Variants in KDM4B observed in about 807,000 individuals in gnomAD.
The protein encoded by KDM4B is lysine demethylase 4B, also known as lysine-specific demethylase 4B.
A neutral mutation model predicts 125.2 loss-of-function variants in KDM4B; 32 were observed. The ratio of observed to expected loss-of-function variants is 0.26; its 90% confidence interval spans 0.19 to 0.34. The LOEUF is 0.34. Ranked by LOEUF, KDM4B falls within the 10% of genes least tolerant of loss-of-function variation. The pLI is 1.00. For missense variants in KDM4B, 1,190 were observed against 1,577.7 expected, an observed-to-expected ratio of 0.75 and a Z score of 4.16; for synonymous variants, 721 against 677.9, an observed-to-expected ratio of 1.06 and a Z score of -0.99.
intron 1 of KDM4B, among the ~76,000 whole-genome samples, chr19:4,978,454 C>T (rs1409826716): frequency 8.0e-6 from 1 of 125,082 alleles, no homozygotes; most frequent in Non-Finnish European, 1.6e-5. Flanking sequence ...TTGCAGTGAG[C>T]TGAGATCACG....
chr19:5,146,414 G>A lies in KDM4B; in HGVS notation c.3021+1512G>A, dbSNP rs546360992. Among the ~76,000 whole-genome samples the A allele has an allele frequency of 3.3e-5, 5 of 152,384 alleles. No individual in the cohort carries two copies. In the South Asian group the frequency reaches 1.0e-3, roughly 32 times the overall value. ...GGTTTCGGGGACAAGCCATCCCCAT[G>A]GCCAGCCCTGTGGGAGCTACCACCA... On this transcript the variant is annotated intron_variant, in intron 21 of 22. Transcript: ENST00000159111.
Position 4,997,900 on chromosome 19 carries a change from C to G in KDM4B, c.-108-18357C>G, listed in dbSNP as rs765788349. 8.5e-5 allele frequency among the ~76,000 whole-genome samples: 13 copies of G among 152,270 alleles called. No homozygotes were observed. The highest frequency in any genetic ancestry group is 5.9e-4 in the Admixed American group (9 of 15,294). On this transcript the variant is annotated intron_variant, in intron 1 of 22. Coordinates refer to ENST00000159111, the MANE Select transcript of KDM4B (RefSeq NM_015015.3). The surrounding 1 kb of genome is among the most constrained non-coding windows in gnomAD (Gnocchi z 4.2). ...CGTGCCACTCTGCACTGCTGTCCCTCTCCACCCAGGCCTTGGGGCTCCCAG... is the reference window on the plus strand; with the variant it reads ...CGTGCCACTCTGCACTGCTGTCCCTGTCCACCCAGGCCTTGGGGCTCCCAG...
rs1049860149 is a variant in KDM4B at position 5,142,405 on chromosome 19, A to G, written c.2551-1562A>G. ...CGCCTTAGTAGGGGTGGCTCTGGGC[A>G]ACCTCGGCCCCAGGCACAGCTCCTG... is the stretch of plus-strand genomic sequence containing the variant. On this transcript the variant is annotated intron_variant, in intron 18 of 22. Transcript: ENST00000159111. The surrounding 1 kb of genome is among the most constrained non-coding windows in gnomAD (Gnocchi z 5.4). Among the ~76,000 whole-genome samples, 3 of 152,194 alleles carry G rather than the reference A, an allele frequency of 2.0e-5. No homozygotes were observed. Among genetic ancestry groups the G allele is most frequent in the South Asian group, 4.1e-4 (2 of 4,834 alleles).
intron 9 of KDM4B, among the ~76,000 whole-genome samples, chr19:5,085,429 G>A (rs895257626): frequency 6.6e-6 from 1 of 152,202 alleles, no homozygotes; most frequent in Admixed American, 6.5e-5. Context: ...CCCAGGCCTC[G>A]GGCTTGTCCT....
At position 5,035,895 on chromosome 19, in the gene KDM4B, G is replaced by GCA. The variant is rs1308153451; in HGVS notation, c.141+2865_141+2866insAC. On this transcript the variant is annotated intron_variant, in intron 3 of 22. Transcript: ENST00000159111. The surrounding 1 kb of genome is among the most constrained non-coding windows in gnomAD (Gnocchi z 5.3). ...TGTGTGTGTGTGCGCGCGCGCGCGC[G>GCA]CCTGCGCGCACAGGAGACTGAGGTG... Among the ~76,000 whole-genome samples, 1 of 125,054 alleles carries GCA rather than the reference G, an allele frequency of 8.0e-6. No individual in the cohort carries two copies. Among genetic ancestry groups the GCA allele is most frequent in the Non-Finnish European group, 1.8e-5 (1 of 54,876 alleles). The allele number at this position is 125,054 out of a possible 152,430, so 82.0% of individuals were successfully genotyped here.
intron 5 of KDM4B, among the ~76,000 whole-genome samples, chr19:5,041,946 T>C (rs561746515): frequency 1.3e-5 from 2 of 152,282 alleles, no homozygotes; most frequent in Admixed American, 6.5e-5. Flanking sequence ...CTGGGTTTGC[T>C]CTCTGAGCCG....
At chr19:5,077,766 G>C (rs1568280483) in intron 8 of KDM4B, 1 of 384,870 alleles carries the variant, frequency 2.6e-6, no homozygotes, top group Non-Finnish European at 4.7e-6. Context: ...TGCAGGGGTG[G>C]AAGGGCAGGG....
intron 8 of KDM4B, among the ~76,000 whole-genome samples, chr19:5,080,349 T>A (rs541830203): frequency 1.3e-5 from 2 of 152,276 alleles, no homozygotes; most frequent in East Asian, 3.9e-4. Flanking sequence ...TATATAATGA[T>A]CAGCAGGCCT....
intron 6 of KDM4B, among the ~76,000 whole-genome samples, chr19:5,065,806 G>T (rs1306630647): frequency 1.3e-5 from 2 of 152,222 alleles, no homozygotes; most frequent in Non-Finnish European, 2.9e-5. Context: ...TGGGGCCCAT[G>T]GCAAAGGTTC....
intron 8 of KDM4B, 36 bp downstream of exon 8, chr19:5,077,506 A>G (rs1199184582): frequency 1.3e-6 from 2 of 1,575,682 alleles, no homozygotes; most frequent in South Asian, 2.2e-5. Context: ...CTGTGGGTGA[A>G]GTGGGTACCG....
rs1330290544 is a variant in KDM4B, at chr19:5,086,107, A to G, written c.918+3603A>G. On this transcript the variant is annotated intron_variant, in intron 9 of 22. Transcript: ENST00000159111. The stretch of plus-strand genomic sequence containing the variant: ...GAGCACATTCTTCAGAAGAGAGCCA[A>G]AGAGGAGGCTTTCCACCCCCTCGAT... 2.0e-5 allele frequency among the ~76,000 whole-genome samples: 3 copies of G among 152,124 alleles called. No homozygotes were observed. The East Asian group carries it at 5.8e-4, about 29-fold the overall frequency.
At chr19:5,117,090 C>T (rs1568307621) in intron 10 of KDM4B, among the ~76,000 whole-genome samples, 1 of 152,148 alleles carries the variant, frequency 6.6e-6, no homozygotes, top group African/African-American at 2.4e-5. Context: ...TGCATTGAGC[C>T]CTACCCAGTT....
At chr19:5,021,795 G>T (rs2036129611) in intron 2 of KDM4B, among the ~76,000 whole-genome samples, 1 of 151,820 alleles carries the variant, frequency 6.6e-6, no homozygotes. Context: ...CACCATGCCC[G>T]GCTAATTTTT....
In KDM4B at chr19:5,128,137, C is replaced by T. The variant is rs546095884; in HGVS notation, c.1316-2939C>T. ...GTGTGAGGACAGCCCGGCTCTGTGT[C>T]CCTGGCCCCCACAGCCCCGGCTGGA... On this transcript the variant is annotated intron_variant, in intron 11 of 22. Transcript: ENST00000159111. Among the ~76,000 whole-genome samples, 5 of 151,896 alleles carry T rather than the reference C, an allele frequency of 3.3e-5. No individual in the cohort carries two copies. In the South Asian group the frequency reaches 1.0e-3, roughly 32 times the overall value.
intron 2 of KDM4B, among the ~76,000 whole-genome samples, chr19:5,027,531 C>T (rs1039003093): frequency 2.0e-5 from 3 of 151,342 alleles, no homozygotes; most frequent in South Asian, 2.1e-4. Context: ...TCCCTTTCTT[C>T]TCTCTCTTTT....
In KDM4B at chr19:4,990,536, G is replaced by A. The variant is rs146749304; in HGVS notation, c.-109+21306G>A. 5.7e-3 allele frequency among the ~76,000 whole-genome samples: 863 copies of A among 152,266 alleles called. 7 individuals are homozygous for A. Among genetic ancestry groups the A allele is most frequent in the African/African-American group, 0.02 (829 of 41,542 alleles). On this transcript the variant is annotated intron_variant, in intron 1 of 22. Transcript: ENST00000159111. ...GCTGTGCCTGGGATCCTGGGGCCGTGGAGAGCTCATCTAGAGGTCATGAGT... is the reference window on the plus strand; with the variant it reads ...GCTGTGCCTGGGATCCTGGGGCCGTAGAGAGCTCATCTAGAGGTCATGAGT...
intron 9 of KDM4B, among the ~76,000 whole-genome samples, chr19:5,089,966 CA>C (rs1055916822): frequency 1.3e-5 from 2 of 152,120 alleles, no homozygotes; most frequent in African/African-American, 4.8e-5. Flanking sequence ...TCCAGAGGTT[CA>C]AGACCGGCCT....
intron 6 of KDM4B, among the ~76,000 whole-genome samples, chr19:5,050,614 C>T (rs2037189502): frequency 6.6e-6 from 1 of 152,232 alleles, no homozygotes; most frequent in Non-Finnish European, 1.5e-5. Flanking sequence ...TCAAGACTCT[C>T]CTGGGGCCAG....
chr19:4,974,595 G>T (rs189729120), intron 1 of KDM4B, among the ~76,000 whole-genome samples: 3 of 151,132 alleles, frequency 2.0e-5, no homozygotes, highest in Non-Finnish European at 3.0e-5. Flanking sequence ...AAAATCAGCC[G>T]GGCATGGTGG....
Sources: gnomAD v4.1 joint callset for allele counts (sites outside exome capture counted in the v4.1 genomes callset) on GRCh38, gnomAD v4.1.1 for gene constraint, Gnocchi (gnomAD v3.1) non-coding constraint, MANE v1.5 for transcripts, NCBI Gene and HGNC (gene_info 2026-07-23, HGNC 2026-07-21) for gene names.